MACROD2: variants seen among roughly 807,000 people sequenced by gnomAD.
MACROD2 encodes mono-ADP ribosylhydrolase 2, also known as ADP-ribose glycohydrolase MACROD2.
MACROD2 carries 36 observed loss-of-function variants against 70.4 expected under a neutral mutation model. The ratio of observed to expected loss-of-function variants is 0.51; its 90% CI spans 0.39 to 0.68. MACROD2 has a LOEUF of 0.68. MACROD2 is among the 30% of genes least tolerant of loss of function. The pLI is 0.00. For synonymous variants in MACROD2, 172 were observed against 178.8 expected (o/e 0.96, Z 0.30); for missense variants, 496 against 538.4 (o/e 0.92, Z 0.78).
intron 8 of MACROD2, among the ~76,000 whole-genome samples, chr20:15,698,190 A>G (rs1163538260): frequency 6.6e-6 from 1 of 152,098 alleles, no homozygotes; most frequent in East Asian, 1.9e-4. Context: ...TATGCTTTAA[A>G]GAGTTCTGTT....
intron 4 of MACROD2, among the ~76,000 whole-genome samples, chr20:14,627,319 A>C (rs1359787712): frequency 6.6e-6 from 1 of 152,208 alleles, no homozygotes. Context: ...CACCAAGGCC[A>C]TGGTTCCTCC....
intron 4 of MACROD2, among the ~76,000 whole-genome samples, chr20:14,621,561 T>C (rs1379912067): frequency 1.3e-5 from 2 of 152,196 alleles, no homozygotes; most frequent in Non-Finnish European, 2.9e-5. Context: ...AGGAATTTTC[T>C]GCTCAGCATA....
chr20:15,426,590 T>C (rs1454892715), intron 6 of MACROD2, among the ~76,000 whole-genome samples: 1 of 152,108 alleles, frequency 6.6e-6, no homozygotes, highest in Non-Finnish European at 1.5e-5. Flanking sequence ...AAGTGATTTG[T>C]CTGCCTCGGC....
At chr20:15,496,620 A>G (rs1753577003) in intron 7 of MACROD2, among the ~76,000 whole-genome samples, 2 of 152,210 alleles carry the variant, frequency 1.3e-5, no homozygotes, top group African/African-American at 4.8e-5. Context: ...TTCGTTTTTT[A>G]TAGCCCTATA....
chr20:14,166,212 T>G (rs2148720802), intron 3 of MACROD2, among the ~76,000 whole-genome samples: 1 of 152,272 alleles, frequency 6.6e-6, no homozygotes, highest in Non-Finnish European at 1.5e-5. Context: ...GCTTCTGAAG[T>G]TATTAGAAAG....
At chr20:15,686,956 C>T (rs976284655) in intron 8 of MACROD2, among the ~76,000 whole-genome samples, 1 of 149,364 alleles carries the variant, frequency 6.7e-6, no homozygotes, top group Non-Finnish European at 1.5e-5. Context: ...AAAAAAATCA[C>T]CAAGGAACTT....
rs569120702 is a variant in MACROD2 at position 15,745,408 on chromosome 20, G to A, written c.646-117337G>A. On this transcript the variant is annotated intron_variant, in intron 8 of 17. Coordinates refer to ENST00000684519, the MANE Select transcript of MACROD2 (RefSeq NM_001351661.2). ...GACTTTAGGCATCTGGATTTCATTC[G>A]ACTGAAGTGCTTTTTCAAGCACTTT... Among the ~76,000 whole-genome samples the A allele has an allele frequency of 1.3e-4, 20 of 152,152 alleles. No homozygotes were observed. In the East Asian group the frequency reaches 2.7e-3, roughly 21 times the overall value.
chr20:14,824,803 C>T (rs1265358668), intron 5 of MACROD2, among the ~76,000 whole-genome samples: 1 of 151,992 alleles, frequency 6.6e-6, no homozygotes, highest in Non-Finnish European at 1.5e-5. Flanking sequence ...TCTTTGGAGG[C>T]CATGAAAGAA....
At chr20:15,698,941 C>T (rs117346799) in intron 8 of MACROD2, among the ~76,000 whole-genome samples, 6,622 of 152,164 alleles carry the variant, frequency 0.044, 286 homozygotes, top group East Asian at 0.21. Flanking sequence ...ATTGCTTTTT[C>T]TTTAAGCTAT....
chr20:14,943,401 A>G (rs1469053753), intron 5 of MACROD2, among the ~76,000 whole-genome samples: 2 of 151,984 alleles, frequency 1.3e-5, no homozygotes, highest in Admixed American at 6.6e-5. Flanking sequence ...TTCCAGGTCA[A>G]TGGACAGATA....
At chr20:14,938,647 G>T (rs996267660) in intron 5 of MACROD2, among the ~76,000 whole-genome samples, 2 of 152,092 alleles carry the variant, frequency 1.3e-5, no homozygotes, top group Middle Eastern at 3.2e-3. Flanking sequence ...CAGGCTTGAT[G>T]GCAGGTGCCT....
At chr20:15,812,071 GTT>G in intron 8 of MACROD2, among the ~76,000 whole-genome samples, 1 of 152,312 alleles carries the variant, frequency 6.6e-6, no homozygotes, top group East Asian at 1.9e-4. Flanking sequence ...ATGTCTGAAC[GTT>G]CTGCAATATG....
At chr20:15,640,917 G>A (rs568838898) in intron 8 of MACROD2, among the ~76,000 whole-genome samples, 5 of 152,248 alleles carry the variant, frequency 3.3e-5, no homozygotes, top group African/African-American at 4.8e-5. Flanking sequence ...CAGCTTACCC[G>A]CCAGCTGGGC....
chr20:15,064,413 G>C (rs960040688), intron 5 of MACROD2, among the ~76,000 whole-genome samples: 10 of 152,294 alleles, frequency 6.6e-5, no homozygotes, highest in Admixed American at 3.9e-4. Context: ...TCGGACTTCT[G>C]ATGGGCTACA....
intron 9 of MACROD2, among the ~76,000 whole-genome samples, chr20:15,876,091 T>TTTTATATATATATATATATATATATA (rs1555789633): frequency 3.0e-5 from 1 of 33,122 alleles, no homozygotes; most frequent in African/African-American, 7.4e-5. Context: ...TACATGTCTT[T>TTTTATATATATATATATATATATATA]TATATATATA....
chr20:15,269,812 C>A (rs2077329956), intron 6 of MACROD2, among the ~76,000 whole-genome samples: 1 of 152,150 alleles, frequency 6.6e-6, no homozygotes, highest in Non-Finnish European at 1.5e-5. Flanking sequence ...CCCTGAAACT[C>A]TTTCTCTCTT....
chr20:14,875,241 C>T (rs550774264), intron 5 of MACROD2, among the ~76,000 whole-genome samples: 18 of 151,856 alleles, frequency 1.2e-4, no homozygotes, highest in Non-Finnish European at 2.4e-4. Context: ...ATTAGCCAGG[C>T]GTGGTGGCAC....
chr20:14,195,555 G>A (rs187571016), intron 3 of MACROD2, among the ~76,000 whole-genome samples: 3 of 151,940 alleles, frequency 2.0e-5, no homozygotes, highest in South Asian at 2.1e-4. Context: ...TGCCACGCCC[G>A]CATCCTGTGC....
chr20:15,836,313 C>T (rs1181610888), intron 8 of MACROD2, among the ~76,000 whole-genome samples: 2 of 152,068 alleles, frequency 1.3e-5, no homozygotes, highest in Admixed American at 6.6e-5. Context: ...GGCAACAAAC[C>T]CCTTATGACT....
Sources: gnomAD v4.1 joint callset for allele counts (sites outside exome capture counted in the v4.1 genomes callset) on GRCh38, gnomAD v4.1.1 for gene constraint, MANE v1.5 for transcripts, NCBI Gene and HGNC (gene_info 2026-07-23, HGNC 2026-07-21) for gene names.